The following LSAMP variants were observed in gnomAD, a reference collection of about 807,000 sequenced individuals.
The protein encoded by LSAMP is limbic system-associated membrane protein.
In LSAMP, 7 loss-of-function variants were observed where a neutral mutation model predicts 38.6. The ratio of observed to expected loss-of-function variants is 0.18; its 90% CI spans 0.10 to 0.34. The LOEUF (loss-of-function observed/expected upper bound fraction) is 0.34. Ranked by LOEUF, LSAMP falls within the 10% of genes least tolerant of loss-of-function variation. LSAMP has a pLI of 1.00. For missense variants in LSAMP, 313 were observed against 420.0 expected (o/e 0.75, Z 2.23); for synonymous variants, 154 against 166.8 (o/e 0.92, Z 0.59).
intron 1 of LSAMP, among the ~76,000 whole-genome samples, chr3:116,383,926 GGC>G (rs2048593100): frequency 6.6e-6 from 1 of 152,010 alleles, no homozygotes; most frequent in Admixed American, 6.6e-5. Flanking sequence ...TGCCATAGTT[GGC>G]TCATTAGTGT....
At chr3:115,979,838 A>T (rs1939306463) in intron 3 of LSAMP, among the ~76,000 whole-genome samples, 1 of 152,152 alleles carries the variant, frequency 6.6e-6, no homozygotes, top group Admixed American at 6.6e-5. Flanking sequence ...TGCATATAGT[A>T]GTTGTTTAAT....
At chr3:116,141,901 A>G (rs1361745285) in intron 1 of LSAMP, among the ~76,000 whole-genome samples, 2 of 151,982 alleles carry the variant, frequency 1.3e-5, no homozygotes, top group East Asian at 3.9e-4. Flanking sequence ...TCTTTTGTTG[A>G]AAGCAATGCC....
chr3:116,194,825 A>G (rs529822809), intron 1 of LSAMP, among the ~76,000 whole-genome samples: 3 of 152,356 alleles, frequency 2.0e-5, no homozygotes, highest in East Asian at 3.9e-4. Flanking sequence ...ATCAGAGACA[A>G]TCATAGGTCT....
chr3:116,221,876 T>TGTGTGG (rs1203396210), intron 1 of LSAMP, among the ~76,000 whole-genome samples: 1 of 151,908 alleles, frequency 6.6e-6, no homozygotes, highest in Non-Finnish European at 1.5e-5. Context: ...TGTGTGTGTG[T>TGTGTGG]GTAGGTGAGG....
At chr3:116,264,416 T>C (rs1359752211) in intron 1 of LSAMP, among the ~76,000 whole-genome samples, 1 of 152,168 alleles carries the variant, frequency 6.6e-6, no homozygotes, top group Non-Finnish European at 1.5e-5. Flanking sequence ...TCCAAGACAT[T>C]GAGTCATGGC....
At chr3:116,344,412 T>A (rs1392858017) in intron 1 of LSAMP, among the ~76,000 whole-genome samples, 2 of 152,034 alleles carry the variant, frequency 1.3e-5, no homozygotes, top group Non-Finnish European at 2.9e-5. Flanking sequence ...AAGGGGGTGA[T>A]GAGGGGGAGA....
chr3:115,928,908 T>C (rs886359702), intron 3 of LSAMP, among the ~76,000 whole-genome samples: 4 of 151,480 alleles, frequency 2.6e-5, no homozygotes, highest in Admixed American at 6.6e-5. Context: ...TTCATAAATG[T>C]TGGGATGTCA....
chr3:116,346,327 C>CTTTTTTTTTTTTT (rs11391341), intron 1 of LSAMP, among the ~76,000 whole-genome samples: 1 of 142,274 alleles, frequency 7.0e-6, no homozygotes. Context: ...TTAGTTTTAT[C>CTTTTTTTTTTTTT]TTTTTTTTTT....
intron 3 of LSAMP, among the ~76,000 whole-genome samples, chr3:115,863,434 G>A (rs549976463): frequency 6.6e-6 from 1 of 151,668 alleles, no homozygotes; most frequent in Non-Finnish European, 1.5e-5. Flanking sequence ...GGGGTGGGAG[G>A]GTAATAATTG....
intron 1 of LSAMP, among the ~76,000 whole-genome samples, chr3:116,409,559 G>A (rs940467372): frequency 1.6e-4 from 24 of 151,986 alleles, no homozygotes; most frequent in African/African-American, 5.3e-4. Flanking sequence ...CACTAATGGC[G>A]ACTGGAAGGG....
chr3:116,279,962 T>C (rs1265943327), intron 1 of LSAMP, among the ~76,000 whole-genome samples: 1 of 152,100 alleles, frequency 6.6e-6, no homozygotes, highest in Non-Finnish European at 1.5e-5. Flanking sequence ...TAAGAAACAA[T>C]CATTAAAAAA....
At chr3:115,926,213 T>A (rs1415107204) in intron 3 of LSAMP, among the ~76,000 whole-genome samples, 2 of 152,124 alleles carry the variant, frequency 1.3e-5, no homozygotes, top group African/African-American at 2.4e-5. Flanking sequence ...TCTGGACACA[T>A]GGGGCAAAGC....
intron 1 of LSAMP, among the ~76,000 whole-genome samples, chr3:116,259,288 A>T (rs2046795027): frequency 1.3e-5 from 2 of 152,134 alleles, no homozygotes; most frequent in Admixed American, 6.6e-5. Flanking sequence ...TAGCTTATTT[A>T]TGAGACATTG....
chr3:116,186,503 G>A (rs1710621803), intron 1 of LSAMP, among the ~76,000 whole-genome samples: 1 of 152,084 alleles, frequency 6.6e-6, no homozygotes. Flanking sequence ...GTTAATCAGA[G>A]TAGAATTAAT....
chr3:116,058,203 G>T (rs1941526775), intron 2 of LSAMP, among the ~76,000 whole-genome samples: 2 of 152,112 alleles, frequency 1.3e-5, no homozygotes, highest in African/African-American at 4.8e-5. Context: ...CTAGCTCTTT[G>T]GTATAGGCAA....
At chr3:116,383,290 T>G (rs1375071319) in intron 1 of LSAMP, among the ~76,000 whole-genome samples, 2 of 152,152 alleles carry the variant, frequency 1.3e-5, no homozygotes, top group Non-Finnish European at 2.9e-5. Context: ...GAGCTCCATT[T>G]TCTGTGTCAT....
chr3:116,256,112 G>T (rs2046747335), intron 1 of LSAMP, among the ~76,000 whole-genome samples: 1 of 152,144 alleles, frequency 6.6e-6, no homozygotes, highest in Admixed American at 6.5e-5. Context: ...GTTGTTAATA[G>T]AATTAAGCTT....
chr3:115,835,523 G>A (rs1934753535), intron 6 of LSAMP, among the ~76,000 whole-genome samples: 1 of 152,164 alleles, frequency 6.6e-6, no homozygotes, highest in African/African-American at 2.4e-5. Flanking sequence ...TTATATGATA[G>A]TGTAACATAA....
intron 2 of LSAMP, among the ~76,000 whole-genome samples, chr3:116,065,755 C>T (rs912772528): frequency 6.6e-5 from 10 of 152,130 alleles, no homozygotes; most frequent in African/African-American, 2.4e-4. Flanking sequence ...GTTTATATTC[C>T]TCCTCTGTCT....
Sources: allele counts gnomAD v4.1 joint callset (sites outside exome capture counted in the v4.1 genomes callset), GRCh38; gene constraint gnomAD v4.1.1; transcripts MANE v1.5; gene names NCBI Gene and HGNC (gene_info 2026-07-23, HGNC 2026-07-21).